The following GRIN2B variants were observed in gnomAD, a reference collection of about 807,000 sequenced individuals.
The protein encoded by GRIN2B is glutamate ionotropic receptor NMDA type subunit 2B, also known as glutamate receptor ionotropic, NMDA 2B.
In GRIN2B, 5 loss-of-function variants were observed where a neutral mutation model predicts 114.5. That is an observed-to-expected ratio of 0.04 (90% confidence interval 0.02 to 0.09). The LOEUF is 0.09. Among genes scored for constraint, GRIN2B ranks in the 10% least tolerant of loss-of-function variants. The probability of loss-of-function intolerance (pLI) is 1.00; values close to 1 mark genes in which losing one functional copy is unlikely to be tolerated. For missense variants in GRIN2B, 1,108 were observed against 1,943.5 expected (o/e 0.57, Z 8.08); for synonymous variants, 787 against 745.1 (o/e 1.06, Z -0.92).
rs1187942577 is a variant in GRIN2B at position 13,615,975 on chromosome 12, C to T, written c.1329-311G>A. Among the ~76,000 whole-genome samples, 1 of 152,160 alleles carries T rather than the reference C, an allele frequency of 6.6e-6. No individual in the cohort carries two copies. The highest frequency in any genetic ancestry group is 1.5e-5 in the Non-Finnish European group (1 of 68,028). ...CTTTTCAGACTGAACTCTTATTAAT[C>T]AGCACCCGGATCCAGATACAGAAAA... On this transcript the variant is annotated intron_variant, in intron 6 of 13. Coordinates refer to ENST00000609686, the MANE Select transcript of GRIN2B (RefSeq NM_000834.5). The surrounding 1 kb of genome is among the most constrained non-coding windows in gnomAD (Gnocchi z 5.8).
chr12:13,774,492 G>A (rs1473081493), intron 3 of GRIN2B, among the ~76,000 whole-genome samples: 1 of 152,178 alleles, frequency 6.6e-6, no homozygotes, highest in Non-Finnish European at 1.5e-5. Flanking sequence ...TCTAGAAGAG[G>A]CGTTTAATAA....
chr12:13,827,789 C>T (rs1173965706), intron 3 of GRIN2B, among the ~76,000 whole-genome samples: 1 of 152,148 alleles, frequency 6.6e-6, no homozygotes, highest in African/African-American at 2.4e-5. Context: ...TCAAGCGATT[C>T]TCCTGCCTCG....
intron 9 of GRIN2B, among the ~76,000 whole-genome samples, chr12:13,610,575 T>C (rs1231363468): frequency 6.6e-6 from 1 of 152,148 alleles, no homozygotes; most frequent in Non-Finnish European, 1.5e-5. Context: ...AACTCCCACC[T>C]CAGAATACAC....
chr12:13,604,503 T>C (rs1474388211), intron 10 of GRIN2B, among the ~76,000 whole-genome samples: 1 of 152,344 alleles, frequency 6.6e-6, no homozygotes, highest in African/African-American at 2.4e-5. Context: ...AGATACATCA[T>C]CTGTAATAGT....
intron 2 of GRIN2B, among the ~76,000 whole-genome samples, chr12:13,875,399 C>T (rs541116365): frequency 2.6e-5 from 4 of 152,044 alleles, no homozygotes; most frequent in Admixed American, 6.6e-5. Flanking sequence ...TGGTGGCGAG[C>T]GCCTGTAGTC....
intron 2 of GRIN2B, among the ~76,000 whole-genome samples, chr12:13,896,282 C>T (rs865949035): frequency 2.6e-5 from 4 of 151,962 alleles, no homozygotes; most frequent in Non-Finnish European, 4.4e-5. Flanking sequence ...GCTGACAAAG[C>T]GAAGGTGCAG....
At chr12:13,654,665 T>G (rs530383319) in intron 5 of GRIN2B, among the ~76,000 whole-genome samples, 9 of 152,316 alleles carry the variant, frequency 5.9e-5, no homozygotes, top group African/African-American at 2.2e-4. Flanking sequence ...ACTCTGTTTT[T>G]CTTTCATAGA....
At chr12:13,786,353 T>C (rs529359489) in intron 3 of GRIN2B, among the ~76,000 whole-genome samples, 1 of 152,322 alleles carries the variant, frequency 6.6e-6, no homozygotes, top group Non-Finnish European at 1.5e-5. Context: ...AAATGTCCTA[T>C]ATACCCAATT....
chr12:13,789,803 A>G (rs1591732038), intron 3 of GRIN2B, among the ~76,000 whole-genome samples: 1 of 152,340 alleles, frequency 6.6e-6, no homozygotes, highest in African/African-American at 2.4e-5. Flanking sequence ...ATCAATTGAA[A>G]TTAACTTGCT....
At chr12:13,578,929 G>A (rs1341744443) in intron 10 of GRIN2B, among the ~76,000 whole-genome samples, 1 of 152,066 alleles carries the variant, frequency 6.6e-6, no homozygotes, top group South Asian at 2.1e-4. Context: ...CAAATGCAAA[G>A]GTTCTGACAT....
intron 3 of GRIN2B, among the ~76,000 whole-genome samples, chr12:13,758,998 A>ATTTTTTTT (rs5796560): frequency 2.3e-5 from 2 of 85,600 alleles, no homozygotes; most frequent in African/African-American, 9.8e-5. Flanking sequence ...ATCTAGTTCA[A>ATTTTTTTT]TTTTTTTTTT....
At chr12:13,885,320 G>T (rs188411324) in intron 2 of GRIN2B, among the ~76,000 whole-genome samples, 36 of 152,254 alleles carry the variant, frequency 2.4e-4, no homozygotes, top group Admixed American at 1.9e-3. Flanking sequence ...AGAGCAGTTA[G>T]GGTGAAAAAT....
intron 4 of GRIN2B, among the ~76,000 whole-genome samples, chr12:13,695,458 A>G (rs1950251962): frequency 6.6e-6 from 1 of 152,102 alleles, no homozygotes; most frequent in Non-Finnish European, 1.5e-5. Flanking sequence ...TCACCAGGGG[A>G]GTTATTTTAG....
At chr12:13,929,874 ACAC>A (rs771193581) in intron 2 of GRIN2B, among the ~76,000 whole-genome samples, 16 of 152,304 alleles carry the variant, frequency 1.1e-4, no homozygotes, top group Non-Finnish European at 1.8e-4. Context: ...AGCACTCCAA[ACAC>A]CACAATATGC....
chr12:13,676,241 G>T (rs11055582), intron 4 of GRIN2B, among the ~76,000 whole-genome samples: 9,983 of 151,994 alleles, frequency 0.066, 451 homozygotes, highest in Non-Finnish European at 0.1. Flanking sequence ...ATGCATGCTG[G>T]GCTTAATATT....
At chr12:13,963,753 G>A (rs1431696748) in intron 2 of GRIN2B, among the ~76,000 whole-genome samples, 1 of 152,142 alleles carries the variant, frequency 6.6e-6, no homozygotes, top group African/African-American at 2.4e-5. Flanking sequence ...TGGCACTAGG[G>A]CTCCCATCTT....
chr12:13,888,436 TA>T (rs3082841), intron 2 of GRIN2B, among the ~76,000 whole-genome samples: 28 of 145,884 alleles, frequency 1.9e-4, no homozygotes, highest in Middle Eastern at 3.6e-3. Context: ...GCATAAAAGA[TA>T]AAAAAAAAAA....
intron 2 of GRIN2B, among the ~76,000 whole-genome samples, chr12:13,918,460 GA>G (rs1448507642): frequency 6.6e-6 from 1 of 152,152 alleles, no homozygotes; most frequent in Non-Finnish European, 1.5e-5. Context: ...TAGTTCAATT[GA>G]ATTTGACAAC....
At chr12:13,705,034 T>C (rs998330986) in intron 4 of GRIN2B, among the ~76,000 whole-genome samples, 1 of 151,952 alleles carries the variant, frequency 6.6e-6, no homozygotes, top group African/African-American at 2.4e-5. Context: ...TGTGTCATCA[T>C]ATAAGCATAC....
Sources: allele counts gnomAD v4.1 joint callset (sites outside exome capture counted in the v4.1 genomes callset), GRCh38; gene constraint gnomAD v4.1.1; non-coding constraint Gnocchi (gnomAD v3.1); transcripts MANE v1.5; gene names NCBI Gene and HGNC (gene_info 2026-07-23, HGNC 2026-07-21).